The following KCND2 variants were observed in gnomAD, a reference collection of about 807,000 sequenced individuals.
KCND2 encodes potassium voltage-gated channel subfamily D member 2.
Under a neutral mutation model 54.4 loss-of-function variants are expected in KCND2, and 16 were observed. That is an observed-to-expected ratio of 0.29 (90% CI 0.20 to 0.45). The LOEUF (loss-of-function observed/expected upper bound fraction) is 0.45. Among genes scored for constraint, KCND2 ranks in the 20% least tolerant of loss-of-function variants. The pLI, the probability that KCND2 is intolerant of heterozygous loss-of-function variation, is 1.00. For synonymous variants in KCND2, 317 were observed against 310.7 expected (o/e 1.02, Z -0.21); for missense variants, 486 against 824.2 (o/e 0.59, Z 5.02).
intron 1 of KCND2, among the ~76,000 whole-genome samples, chr7:120,487,580 T>C (rs192805910): frequency 6.6e-6 from 1 of 152,232 alleles, no homozygotes; most frequent in African/African-American, 2.4e-5. Context: ...GGGTGAGATC[T>C]CTGAGGTTTT....
chr7:120,703,590 A>C (rs1002655090), intron 1 of KCND2, among the ~76,000 whole-genome samples: 1 of 152,218 alleles, frequency 6.6e-6, no homozygotes, highest in African/African-American at 2.4e-5. Context: ...TCAGAAGAAC[A>C]GTTATTACAC....
At chr7:120,588,189 A>C (rs933437111) in intron 1 of KCND2, among the ~76,000 whole-genome samples, 9 of 152,274 alleles carry the variant, frequency 5.9e-5, no homozygotes, top group Admixed American at 5.2e-4. Context: ...TCTTTACCCA[A>C]ATAAAGTGAG....
chr7:120,406,533 A>C (rs1239040740), intron 1 of KCND2, among the ~76,000 whole-genome samples: 3 of 152,076 alleles, frequency 2.0e-5, no homozygotes, highest in Admixed American at 2.0e-4. Context: ...ATGCACACTA[A>C]TAATTTAAAT....
chr7:120,717,788 G>A (rs998795179), intron 1 of KCND2, among the ~76,000 whole-genome samples: 2 of 151,974 alleles, frequency 1.3e-5, no homozygotes, highest in African/African-American at 4.8e-5. Context: ...CCTTATGGAA[G>A]TACTTCCCAA....
At chr7:120,398,051 C>A (rs1456305528) in intron 1 of KCND2, among the ~76,000 whole-genome samples, 2 of 112,206 alleles carry the variant, frequency 1.8e-5, no homozygotes, top group African/African-American at 6.9e-5. Flanking sequence ...GCTCTTTTTC[C>A]AGCCAAATAT....
chr7:120,741,763 G>GT (rs982410023), intron 3 of KCND2, 134 bp downstream of exon 3: 2 of 740,670 alleles, frequency 2.7e-6, no homozygotes, highest in Admixed American at 2.0e-5. Flanking sequence ...GTTTGTTTGT[G>GT]TTTTTTTAAT....
chr7:120,615,671 T>C (rs528618818), intron 1 of KCND2, among the ~76,000 whole-genome samples: 1 of 152,288 alleles, frequency 6.6e-6, no homozygotes, highest in Non-Finnish European at 1.5e-5. Flanking sequence ...GTCTCCATGT[T>C]CTTTATCACC....
intron 1 of KCND2, among the ~76,000 whole-genome samples, chr7:120,588,251 A>G (rs1357320537): frequency 6.6e-6 from 1 of 152,184 alleles, no homozygotes; most frequent in Non-Finnish European, 1.5e-5. Context: ...TGTGAGGTTT[A>G]AAAGTTCCTA....
chr7:120,694,492 C>T (rs561301020), intron 1 of KCND2, among the ~76,000 whole-genome samples: 16 of 152,240 alleles, frequency 1.1e-4, no homozygotes, highest in South Asian at 8.3e-4. Flanking sequence ...GCATCTCTTC[C>T]TATGCGAGCC....
chr7:120,419,903 C>G (rs1375165799), intron 1 of KCND2, among the ~76,000 whole-genome samples: 2 of 151,514 alleles, frequency 1.3e-5, no homozygotes, highest in Non-Finnish European at 2.9e-5. Context: ...CACTGCCCCT[C>G]ACTGCCTGAC....
intron 1 of KCND2, among the ~76,000 whole-genome samples, chr7:120,676,111 T>G (rs955999278): frequency 6.6e-6 from 1 of 152,204 alleles, no homozygotes; most frequent in African/African-American, 2.4e-5. Context: ...TTGTTGAGAT[T>G]ACAGGTGTGA....
intron 1 of KCND2, among the ~76,000 whole-genome samples, chr7:120,534,561 A>T (rs1034523646): frequency 6.6e-6 from 1 of 152,160 alleles, no homozygotes; most frequent in African/African-American, 2.4e-5. Flanking sequence ...GGATCCTGGA[A>T]CAGAAATGTT....
intron 1 of KCND2, among the ~76,000 whole-genome samples, chr7:120,700,741 A>C (rs1013521617): frequency 1.3e-5 from 2 of 152,190 alleles, no homozygotes; most frequent in African/African-American, 4.8e-5. Context: ...TTGATGGTTA[A>C]GATTTATTTG....
chr7:120,619,944 A>G (rs1324179190), intron 1 of KCND2, among the ~76,000 whole-genome samples: 2 of 152,284 alleles, frequency 1.3e-5, no homozygotes, highest in East Asian at 3.9e-4. Flanking sequence ...TGTGGAAAAG[A>G]AGAGGCTGAA....
intron 1 of KCND2, among the ~76,000 whole-genome samples, chr7:120,473,613 T>A (rs574125932): frequency 1.7e-4 from 26 of 152,342 alleles, no homozygotes; most frequent in African/African-American, 6.0e-4. Flanking sequence ...CGATGTAATT[T>A]TTTTGTGTGT....
chr7:120,287,225 A>C (rs1799358893), intron 1 of KCND2, among the ~76,000 whole-genome samples: 1 of 152,084 alleles, frequency 6.6e-6, no homozygotes. Context: ...ATATGTATAC[A>C]CATAAAGGTG....
rs150679257 is a variant in KCND2 at position 120,593,786 on chromosome 7, C to G, written c.1116-139117C>G. Reference sequence around the variant, plus strand: ...CAAAGGGTAGTTCTCTAATCCCTTACCCACTTCATTAGAAGGAAATCAATC... The same window carrying G: ...CAAAGGGTAGTTCTCTAATCCCTTAGCCACTTCATTAGAAGGAAATCAATC... On this transcript the variant is annotated intron_variant, in intron 1 of 5. Coordinates refer to ENST00000331113, the MANE Select transcript of KCND2 (RefSeq NM_012281.3). Among the ~76,000 whole-genome samples the G allele has an allele frequency of 2.5e-4, 38 of 152,160 alleles. No homozygotes were observed. In the East Asian group the frequency reaches 6.0e-3, roughly 24 times the overall value.
chr7:120,602,572 A>G (rs369326954), intron 1 of KCND2, among the ~76,000 whole-genome samples: 5 of 152,192 alleles, frequency 3.3e-5, no homozygotes, highest in African/African-American at 1.2e-4. Flanking sequence ...TAAAACTAAA[A>G]TGTTTTATAG....
chr7:120,709,363 G>A (rs7458164), intron 1 of KCND2, among the ~76,000 whole-genome samples: 55,113 of 151,928 alleles, frequency 0.36, 10,971 homozygotes, highest in African/African-American at 0.51. Flanking sequence ...CACCAAAATT[G>A]CACAATTCTT....
Sources: allele counts gnomAD v4.1 joint callset (sites outside exome capture counted in the v4.1 genomes callset), GRCh38; gene constraint gnomAD v4.1.1; transcripts MANE v1.5; gene names NCBI Gene and HGNC (gene_info 2026-07-23, HGNC 2026-07-21).